EPHA6: variants seen among roughly 807,000 people sequenced by gnomAD.
The protein encoded by EPHA6 is ephrin type-A receptor 6.
Under a neutral mutation model 112.0 loss-of-function variants are expected in EPHA6, and 50 were observed. The ratio of observed to expected loss-of-function variants is 0.45; its 90% CI spans 0.36 to 0.56. EPHA6 has a LOEUF of 0.56. EPHA6 is among the 20% of genes least tolerant of loss of function. The pLI, the probability that EPHA6 is intolerant of heterozygous loss-of-function variation, is 0.00. For missense variants in EPHA6, 1,280 were observed against 1,417.4 expected (o/e 0.90, Z 1.56); for synonymous variants, 529 against 490.7 (o/e 1.08, Z -1.03).
chr3:97,388,621 C>A (rs1253219752), intron 5 of EPHA6, among the ~76,000 whole-genome samples: 1 of 152,138 alleles, frequency 6.6e-6, no homozygotes, highest in Non-Finnish European at 1.5e-5. Flanking sequence ...TATCCTATTG[C>A]TGACTTCTTC....
At chr3:97,181,024 G>T (rs1415870383) in intron 3 of EPHA6, among the ~76,000 whole-genome samples, 1 of 152,102 alleles carries the variant, frequency 6.6e-6, no homozygotes, top group African/African-American at 2.4e-5. Context: ...CTGTGATGAG[G>T]TTTGCAGGTA....
At chr3:96,913,913 C>T (rs1378473015) in intron 2 of EPHA6, among the ~76,000 whole-genome samples, 1 of 151,978 alleles carries the variant, frequency 6.6e-6, no homozygotes, top group East Asian at 1.9e-4. Flanking sequence ...TATAACTGAA[C>T]CTAAGGAAGA....
chr3:97,409,890 T>C (rs1232841038), intron 6 of EPHA6, among the ~76,000 whole-genome samples: 1 of 152,120 alleles, frequency 6.6e-6, no homozygotes, highest in African/African-American at 2.4e-5. Context: ...AATAATTATT[T>C]ATATGAAATG....
intron 3 of EPHA6, among the ~76,000 whole-genome samples, chr3:97,124,856 C>T (rs2048140907): frequency 1.3e-5 from 2 of 152,122 alleles, no homozygotes; most frequent in Non-Finnish European, 2.9e-5. Flanking sequence ...TTGTTGACCT[C>T]AGAAATTTTA....
At chr3:97,147,473 C>A (rs1386417574) in intron 3 of EPHA6, among the ~76,000 whole-genome samples, 1 of 151,950 alleles carries the variant, frequency 6.6e-6, no homozygotes, top group Non-Finnish European at 1.5e-5. Flanking sequence ...CAAAGTGGCA[C>A]TACTTACTGA....
At chr3:96,838,291 G>A (rs1218627119) in intron 1 of EPHA6, among the ~76,000 whole-genome samples, 1 of 152,082 alleles carries the variant, frequency 6.6e-6, no homozygotes, top group Non-Finnish European at 1.5e-5. Flanking sequence ...TCTTTATCCA[G>A]TCTATCATTG....
At chr3:96,883,486 G>C (rs1462543342) in intron 2 of EPHA6, among the ~76,000 whole-genome samples, 1 of 152,096 alleles carries the variant, frequency 6.6e-6, no homozygotes, top group African/African-American at 2.4e-5. Context: ...TGAAATCCTT[G>C]CTTAAGCCAA....
chr3:97,522,509 G>GT (rs1007205985), intron 10 of EPHA6, among the ~76,000 whole-genome samples: 1 of 151,968 alleles, frequency 6.6e-6, no homozygotes, highest in Non-Finnish European at 1.5e-5. Flanking sequence ...TTGTAGTTCT[G>GT]TTTTTTTATA....
intron 3 of EPHA6, among the ~76,000 whole-genome samples, chr3:97,160,911 C>A (rs2076400121): frequency 6.6e-6 from 1 of 152,054 alleles, no homozygotes. Flanking sequence ...AAATCAGGTA[C>A]CAGGCTTTTC....
At chr3:97,535,327 A>G (rs1005933841) in intron 11 of EPHA6, among the ~76,000 whole-genome samples, 3 of 152,240 alleles carry the variant, frequency 2.0e-5, no homozygotes, top group East Asian at 1.9e-4. Flanking sequence ...AAGAAATAAA[A>G]TAAAAATCTC....
chr3:97,386,388 A>C (rs962200268), intron 5 of EPHA6, among the ~76,000 whole-genome samples: 3 of 152,180 alleles, frequency 2.0e-5, no homozygotes, highest in Non-Finnish European at 4.4e-5. Flanking sequence ...CCATTCCAAG[A>C]GGGAGAAATT....
At chr3:96,857,652 TA>T (rs2035773135) in intron 1 of EPHA6, among the ~76,000 whole-genome samples, 1 of 151,366 alleles carries the variant, frequency 6.6e-6, no homozygotes. Context: ...GTTGTCTTAA[TA>T]TTTTTTTTAA....
At chr3:97,626,466 A>T (rs2093857703) in intron 13 of EPHA6, among the ~76,000 whole-genome samples, 1 of 151,848 alleles carries the variant, frequency 6.6e-6, no homozygotes, top group Non-Finnish European at 1.5e-5. Context: ...TGTACAAAAG[A>T]AAAACAAGGA....
At chr3:97,117,970 G>A (rs1017739272) in intron 3 of EPHA6, among the ~76,000 whole-genome samples, 4 of 151,698 alleles carry the variant, frequency 2.6e-5, no homozygotes, top group African/African-American at 9.7e-5. Flanking sequence ...CAGTGTAATA[G>A]TGCAATGAAT....
intron 14 of EPHA6, among the ~76,000 whole-genome samples, chr3:97,667,691 T>C (rs2030295851): frequency 6.6e-6 from 1 of 152,188 alleles, no homozygotes; most frequent in African/African-American, 2.4e-5. Context: ...GAGAACAACA[T>C]GGGCAAACTC....
chr3:96,964,387 T>G, intron 2 of EPHA6, among the ~76,000 whole-genome samples: 1 of 152,332 alleles, frequency 6.6e-6, no homozygotes. Flanking sequence ...ACTCACATTC[T>G]TCTTTGTTCA....
chr3:97,495,649 A>G lies in EPHA6; in HGVS notation c.2200+11590A>G, dbSNP rs558408473. On this transcript the variant is annotated intron_variant, in intron 10 of 17. Transcript: ENST00000389672. ...AGCTGGTACAATTATTGTCCTTCTC[A>G]GTAACATCTGTGATTTGTTCTGCCT... Among the ~76,000 whole-genome samples the G allele has an allele frequency of 3.3e-5, 5 of 152,182 alleles. No homozygotes were observed. In the South Asian group the frequency reaches 6.2e-4, roughly 19 times the overall value.
At chr3:97,403,463 T>G (rs2087122248) in intron 5 of EPHA6, among the ~76,000 whole-genome samples, 1 of 152,192 alleles carries the variant, frequency 6.6e-6, no homozygotes, top group Non-Finnish European at 1.5e-5. Flanking sequence ...TTTGTTTATT[T>G]TGAGACGGAG....
intron 5 of EPHA6, among the ~76,000 whole-genome samples, chr3:97,283,764 AAAAT>A (rs1397089181): frequency 6.6e-6 from 1 of 152,166 alleles, no homozygotes; most frequent in Non-Finnish European, 1.5e-5. Context: ...CTCATAACTT[AAAAT>A]AAATAATAAT....
Sources: allele counts gnomAD v4.1 joint callset (sites outside exome capture counted in the v4.1 genomes callset), GRCh38; gene constraint gnomAD v4.1.1; transcripts MANE v1.5; gene names NCBI Gene and HGNC (gene_info 2026-07-23, HGNC 2026-07-21).